Variants in CFHR5 observed in about 807,000 individuals in gnomAD.
The protein encoded by CFHR5 is complement factor H related 5.
CFHR5 carries 73 observed loss-of-function variants against 62.9 expected under a neutral mutation model. That is an observed-to-expected ratio of 1.16 (90% CI 0.96 to 1.41). CFHR5 has a LOEUF of 1.41. Ranked by LOEUF, CFHR5 falls within the 40% of genes most tolerant of loss-of-function variation. The probability of loss-of-function intolerance (pLI) is 0.00; values close to 1 mark genes in which losing one functional copy is unlikely to be tolerated. For missense variants in CFHR5, 779 were observed against 679.9 expected (o/e 1.15, Z -1.62); for synonymous variants, 249 against 227.2 (o/e 1.10, Z -0.86).
chr1:197,007,495 C>T lies in CFHR5; in HGVS notation c.1514-992C>T, dbSNP rs534898152. ...AAGTGTCAATGTTCAACTAGGAGAT[C>T]GGCAAAAAGAAAAAAGTATATAACA... On this transcript the variant is annotated intron_variant, in intron 9 of 9. Coordinates refer to ENST00000256785, the MANE Select transcript of CFHR5 (RefSeq NM_030787.4). Among the ~76,000 whole-genome samples the T allele has an allele frequency of 1.3e-4, 20 of 151,050 alleles. No individual in the cohort carries two copies. The South Asian group carries it at 3.8e-3, about 28-fold the overall frequency.
intron 3 of CFHR5, among the ~76,000 whole-genome samples, chr1:196,989,065 C>A (rs1462967578): frequency 5.3e-5 from 8 of 152,004 alleles, no homozygotes; most frequent in Admixed American, 5.2e-4. Flanking sequence ...TTGGTCTATT[C>A]AGAGATTCAA....
chr1:196,982,441 G>C (rs193009962), intron 1 of CFHR5, among the ~76,000 whole-genome samples: 324 of 152,284 alleles, frequency 2.1e-3, no homozygotes, highest in Admixed American at 4.8e-3. Flanking sequence ...GGAGGCCGAG[G>C]CGCATGGATC....
At chr1:197,002,733 A>G (rs1376962474) in intron 8 of CFHR5, 69 bp downstream of exon 8, 1 of 1,309,208 alleles carries the variant, frequency 7.6e-7, no homozygotes, top group African/African-American at 1.5e-5. Context: ...TTATCTAAAG[A>G]AAGAAACAAG....
Position 196,983,023 on chromosome 1 carries a change from T to C in CFHR5, c.197T>C (p.Phe66Ser). The C allele has an allele frequency of 1.2e-6, 2 of 1,614,060 alleles. No homozygotes were observed. The highest frequency in any genetic ancestry group is 2.2e-5 in the East Asian group (1 of 44,864). Residue 66 changes from phenylalanine (F) to serine (S), a missense_variant, in exon 2 of 10, where the codon TTT becomes TCT. Coordinates refer to ENST00000256785, the MANE Select transcript of CFHR5 (RefSeq NM_030787.4). ...EYNFVSPSKS[F>S]WTRITCTEEG... ...AATTTTGTGTCTCCTTCAAAATCCT[T>C]TTGGACTCGCATAACATGCACAGAA...
intron 8 of CFHR5, among the ~76,000 whole-genome samples, chr1:197,003,565 CAA>C (rs1176600682): frequency 6.6e-6 from 1 of 152,086 alleles, no homozygotes; most frequent in Non-Finnish European, 1.5e-5. Context: ...TCAGATATGG[CAA>C]AGAGTGCTTA....
At chr1:197,002,766 CT>C in intron 8 of CFHR5, 102 bp downstream of exon 8, 1 of 965,556 alleles carries the variant, frequency 1.0e-6, no homozygotes, top group Non-Finnish European at 1.6e-6. Context: ...ATCTGTTGCA[CT>C]GTACCCCAAA....
At chr1:196,994,981 C>G (rs1653950750) in intron 4 of CFHR5, among the ~76,000 whole-genome samples, 1 of 152,130 alleles carries the variant, frequency 6.6e-6, no homozygotes, top group South Asian at 2.1e-4. Context: ...TCAATTACCT[C>G]CCACCAGGTT....
chr1:196,981,563 C>G (rs1229265373), intron 1 of CFHR5, among the ~76,000 whole-genome samples: 1 of 151,876 alleles, frequency 6.6e-6, no homozygotes, highest in East Asian at 1.9e-4. Flanking sequence ...CACCCATTTT[C>G]TACATTGTTT....
In CFHR5 at chr1:196,977,655, A is replaced by T. The variant is rs1439386917; in HGVS notation, c.-10A>T. 1 of 1,608,138 alleles carries T rather than the reference A, an allele frequency of 6.2e-7. No individual in the cohort carries two copies. The highest frequency in any genetic ancestry group is 1.3e-5 in the African/African-American group (1 of 74,762). On this transcript the variant is annotated 5_prime_UTR_variant, in exon 1 of 10. Coordinates refer to ENST00000256785, the MANE Select transcript of CFHR5 (RefSeq NM_030787.4). ...GTATTTTTAGTTATATACGATTGAG[A>T]CTACCAAGCATGTTGCTCTTATTCA...
chr1:196,999,622 C>T (rs563193143), intron 7 of CFHR5, among the ~76,000 whole-genome samples: 21 of 145,884 alleles, frequency 1.4e-4, no homozygotes, highest in African/African-American at 4.8e-4. Flanking sequence ...GAGATGCAAC[C>T]TAAGCAAAAT....
intron 6 of CFHR5, among the ~76,000 whole-genome samples, chr1:196,996,848 GAAGTAGT>G (rs550020020): frequency 1.7e-4 from 26 of 151,954 alleles, no homozygotes; most frequent in African/African-American, 2.2e-4. Flanking sequence ...TTCCTCCACA[GAAGTAGT>G]AAGTAGTAAG....
rs774797686 is a variant in CFHR5 at position 196,982,842 on chromosome 1, T to C, written c.59-43T>C. On this transcript the variant is annotated intron_variant, in intron 1 of 9. Transcript: ENST00000256785. ...AATATAATCTAGTGATTCATCGATG[T>C]AGCTCTTTATTTAATTCTTCAGTTT... 2.0e-6 allele frequency: 3 copies of C among 1,536,462 alleles called. No individual in the cohort carries two copies. In the African/African-American group the frequency reaches 4.1e-5, roughly 21 times the overall value.
chr1:196,989,576 T>C (rs1653786390), intron 3 of CFHR5, among the ~76,000 whole-genome samples: 1 of 152,216 alleles, frequency 6.6e-6, no homozygotes, highest in African/African-American at 2.4e-5. Flanking sequence ...TGTGGCTTTG[T>C]TCTCCTTGGT....
Position 197,002,652 on chromosome 1 carries a change from C to T in CFHR5, c.1318C>T (p.Pro440Ser), listed in dbSNP as rs745555026. ...VCKDGRWQSL[P>S]RCVESTAYCG... Reference sequence around the variant, plus strand: ...TAAAGATGGACGATGGCAATCATTACCACGCTGTGTTGGTTAGTAGTTTAT... The same window carrying T: ...TAAAGATGGACGATGGCAATCATTATCACGCTGTGTTGGTTAGTAGTTTAT... Residue 440 changes from proline to serine, a missense_variant, in exon 8 of 10, where the codon CCA becomes TCA. Transcript: ENST00000256785. 6.2e-7 allele frequency: 1 copy of T among 1,612,668 alleles called. No homozygotes were observed. The highest frequency in any genetic ancestry group is 8.5e-7 in the Non-Finnish European group (1 of 1,178,932).
chr1:196,991,311 T>C (rs1203650157), intron 3 of CFHR5, among the ~76,000 whole-genome samples: 1 of 152,170 alleles, frequency 6.6e-6, no homozygotes, highest in African/African-American at 2.4e-5. Flanking sequence ...GGTTCAAACA[T>C]CCTCCTTTAG....
At chr1:197,006,238 G>T (rs1318896486) in intron 9 of CFHR5, among the ~76,000 whole-genome samples, 1 of 151,914 alleles carries the variant, frequency 6.6e-6, no homozygotes, top group African/African-American at 2.4e-5. Flanking sequence ...GGGCATTCTA[G>T]CAAAAAGAAA....
intron 3 of CFHR5, among the ~76,000 whole-genome samples, chr1:196,993,603 T>C (rs1653907022): frequency 6.6e-6 from 1 of 152,168 alleles, no homozygotes; most frequent in Non-Finnish European, 1.5e-5. Context: ...GGCCCACATA[T>C]CTACTTTTTA....
At chr1:197,007,737 CAATAT>C (rs894917515) in intron 9 of CFHR5, among the ~76,000 whole-genome samples, 1 of 145,780 alleles carries the variant, frequency 6.9e-6, no homozygotes, top group African/African-American at 2.5e-5. Context: ...CATATACATA[CAATAT>C]ATGTATACAT....
chr1:196,987,285 CAA>C (rs1181192611), intron 3 of CFHR5, among the ~76,000 whole-genome samples: 2 of 151,950 alleles, frequency 1.3e-5, no homozygotes, highest in Admixed American at 1.3e-4. Flanking sequence ...GGGTAGATTG[CAA>C]AGATTTTCTC....
Sources: allele counts gnomAD v4.1 joint callset (sites outside exome capture counted in the v4.1 genomes callset), GRCh38; gene constraint gnomAD v4.1.1; transcripts MANE v1.5; gene names NCBI Gene and HGNC (gene_info 2026-07-23, HGNC 2026-07-21).